The following TTLL11 variants were observed in gnomAD, a reference collection of about 807,000 sequenced individuals.
TTLL11 encodes the protein tubulin polyglutamylase TTLL11.
A neutral mutation model predicts 51.7 loss-of-function variants in TTLL11; 42 were observed. That is an observed-to-expected ratio of 0.81 (90% CI 0.64 to 1.05). TTLL11 has a LOEUF of 1.05. Ranked by LOEUF, TTLL11 falls within the 50% of genes least tolerant of loss-of-function variation. TTLL11 has a pLI of 0.00. For synonymous variants in TTLL11, 381 were observed against 383.5 expected (o/e 0.99, Z 0.08); for missense variants, 799 against 940.4 (o/e 0.85, Z 1.97).
chr9:122,041,670 T>C (rs1844848846), intron 1 of TTLL11, among the ~76,000 whole-genome samples: 1 of 152,062 alleles, frequency 6.6e-6, no homozygotes, highest in Non-Finnish European at 1.5e-5. Context: ...ATTCCATTTA[T>C]AATAGCATCA....
intron 6 of TTLL11, among the ~76,000 whole-genome samples, chr9:121,893,451 A>G (rs981583126): frequency 2.0e-5 from 3 of 152,146 alleles, no homozygotes; most frequent in African/African-American, 7.2e-5. Flanking sequence ...CAATCCTCTG[A>G]GTTAGGTACT....
chr9:122,020,647 C>T (rs116057382), intron 3 of TTLL11, among the ~76,000 whole-genome samples: 1,698 of 152,320 alleles, frequency 0.011, 40 homozygotes, highest in African/African-American at 0.039. Flanking sequence ...GATATTGAAA[C>T]CCTAACCCCC....
At chr9:121,896,357 C>G (rs1197336408) in intron 6 of TTLL11, among the ~76,000 whole-genome samples, 1 of 152,190 alleles carries the variant, frequency 6.6e-6, no homozygotes, top group African/African-American at 2.4e-5. Context: ...GGAACCCACC[C>G]CTCAGCCCTT....
At chr9:121,852,654 G>A (rs1396061527) in intron 8 of TTLL11, among the ~76,000 whole-genome samples, 4 of 152,176 alleles carry the variant, frequency 2.6e-5, no homozygotes, top group African/African-American at 4.8e-5. Context: ...AAGGGGCAGC[G>A]GGTGTGACTC....
chr9:122,068,411 T>C (rs1845646959), intron 1 of TTLL11, among the ~76,000 whole-genome samples: 1 of 152,180 alleles, frequency 6.6e-6, no homozygotes, highest in Non-Finnish European at 1.5e-5. Flanking sequence ...TGTTATTAAA[T>C]TGCTAATCAA....
chr9:122,022,528 C>T (rs10985496), intron 3 of TTLL11, among the ~76,000 whole-genome samples: 6,681 of 151,878 alleles, frequency 0.044, 174 homozygotes, highest in African/African-American at 0.074. Context: ...TAGAATTCTA[C>T]ACCTAGAGAA....
At chr9:121,988,673 C>T (rs769040633) in intron 4 of TTLL11, among the ~76,000 whole-genome samples, 8 of 152,200 alleles carry the variant, frequency 5.3e-5, no homozygotes, top group South Asian at 4.1e-4. Context: ...CGTGGCCCCA[C>T]GATCTCAGCA....
At chr9:121,857,593 T>C (rs1164326645) in intron 8 of TTLL11, among the ~76,000 whole-genome samples, 3 of 152,206 alleles carry the variant, frequency 2.0e-5, no homozygotes, top group Non-Finnish European at 4.4e-5. Flanking sequence ...TGGTGATGAC[T>C]ATTCCACCTA....
Position 121,870,510 on chromosome 9 carries a change from G to A in TTLL11, c.1720C>T (p.Arg574Cys), listed in dbSNP as rs757355368. The A allele has an allele frequency of 7.7e-6, 12 of 1,551,556 alleles. No homozygotes were observed. The highest frequency in any genetic ancestry group is 2.4e-5 in the South Asian group (2 of 84,030). Residue 574 changes from arginine (R) to cysteine (C), a missense_variant, in exon 7 of 9, where the codon CGT becomes TGT. Physicochemically the swap from Arg to Cys is radical, Grantham distance 180 (BLOSUM62 -3). This residue lies in a region of TTLL11 where 468 missense variants were observed against 612.8 expected (regional missense o/e 0.76). Transcript: ENST00000321582. ...GTTCTCACTGACCTTATGAAGGTAC[G>A]AAAGCCTGTTGGCCCCAACTTCATT... ...GTMKLGPTGF[R>C]TFIRSCKLSS...
chr9:121,924,714 A>G (rs1840660347), intron 6 of TTLL11, among the ~76,000 whole-genome samples: 1 of 151,858 alleles, frequency 6.6e-6, no homozygotes. Context: ...GAAAAAAAAA[A>G]CAGGCCCAGG....
intron 6 of TTLL11, among the ~76,000 whole-genome samples, chr9:121,932,021 AT>A (rs1841004129): frequency 6.6e-6 from 1 of 152,070 alleles, no homozygotes. Flanking sequence ...TATTGTCACC[AT>A]TTCCAACCTG....
chr9:122,005,793 G>C (rs1196199665), intron 3 of TTLL11, among the ~76,000 whole-genome samples: 2 of 152,182 alleles, frequency 1.3e-5, no homozygotes, highest in African/African-American at 4.8e-5. Context: ...AGCTGGTACT[G>C]CCACCTAGGG....
At chr9:121,953,088 T>C (rs80171737) in intron 6 of TTLL11, among the ~76,000 whole-genome samples, 1 of 152,190 alleles carries the variant, frequency 6.6e-6, no homozygotes, top group Non-Finnish European at 1.5e-5. Flanking sequence ...AATAGCCCCA[T>C]ACATTATTAT....
intron 1 of TTLL11, among the ~76,000 whole-genome samples, chr9:122,070,064 G>A (rs558816146): frequency 6.6e-6 from 1 of 152,042 alleles, no homozygotes; most frequent in African/African-American, 2.4e-5. Flanking sequence ...AAACTTCTTA[G>A]GGTTTAGTGA....
rs564806579 is a variant in TTLL11 at position 122,048,320 on chromosome 9, C to T, written c.463-8952G>A. Among the ~76,000 whole-genome samples, 93 of 152,212 alleles carry T rather than the reference C, an allele frequency of 6.1e-4. 1 individual carries two copies. Among genetic ancestry groups the T allele is most frequent in the African/African-American group, 2.1e-3 (89 of 41,524 alleles). On this transcript the variant is annotated intron_variant, in intron 1 of 8. Transcript: ENST00000321582. Reference sequence around the variant, plus strand: ...TAGCTGGAACTATAAGCAAATGGCACAGCACCTGACTATATCTTTTACTTT... The same window carrying T: ...TAGCTGGAACTATAAGCAAATGGCATAGCACCTGACTATATCTTTTACTTT...
At chr9:121,842,158 C>T (rs1564268222) in intron 8 of TTLL11, among the ~76,000 whole-genome samples, 4 of 152,114 alleles carry the variant, frequency 2.6e-5, no homozygotes, top group Non-Finnish European at 4.4e-5. Flanking sequence ...AATGGACAGT[C>T]GGTGCTTCTT....
At chr9:121,856,954 G>A (rs1304608677) in intron 8 of TTLL11, among the ~76,000 whole-genome samples, 1 of 152,226 alleles carries the variant, frequency 6.6e-6, no homozygotes, top group Non-Finnish European at 1.5e-5. Context: ...ACGGTCCTAA[G>A]AAGGTGGCTG....
In TTLL11 at chr9:121,901,783, G is replaced by T. The variant is rs183989433; in HGVS notation, c.1482-31035C>A. ...TTTCTTGTCTCCATGTGGCCCCAAG[G>T]TCTAGGCCACAAGGGATTGTCAGAT... On this transcript the variant is annotated intron_variant, in intron 6 of 8. Transcript: ENST00000321582. Among the ~76,000 whole-genome samples, 461 of 152,214 alleles carry T rather than the reference G, an allele frequency of 3.0e-3. 3 individuals are homozygous for T. Among genetic ancestry groups the T allele is most frequent in the African/African-American group, 0.011 (443 of 41,522 alleles).
chr9:121,915,703 G>C (rs1430718585), intron 6 of TTLL11, among the ~76,000 whole-genome samples: 1 of 152,032 alleles, frequency 6.6e-6, no homozygotes, highest in Non-Finnish European at 1.5e-5. Flanking sequence ...CTAATAATTA[G>C]TACTTGATTT....
Sources: gnomAD v4.1 joint callset for allele counts (sites outside exome capture counted in the v4.1 genomes callset) on GRCh38, gnomAD v4.1.1 for gene constraint, gnomAD v4.1.1 regional missense constraint, MANE v1.5 for transcripts, NCBI Gene and HGNC (gene_info 2026-07-23, HGNC 2026-07-21) for gene names.